SLC4A5: variants seen among roughly 807,000 people sequenced by gnomAD.
SLC4A5 encodes the protein solute carrier family 4 member 5, also known as electrogenic sodium bicarbonate cotransporter 4.
Under a neutral mutation model 120.4 loss-of-function variants are expected in SLC4A5, and 96 were observed. The ratio of observed to expected loss-of-function variants is 0.80; its 90% CI spans 0.68 to 0.94. The LOEUF (loss-of-function observed/expected upper bound fraction) is 0.94. Among genes scored for constraint, SLC4A5 ranks in the 40% least tolerant of loss-of-function variants. The pLI is 0.00. For synonymous variants in SLC4A5, 550 were observed against 571.1 expected, an observed-to-expected ratio of 0.96 and a Z score of 0.53; for missense variants, 1,259 against 1,459.5, an observed-to-expected ratio of 0.86 and a Z score of 2.24.
At chr2:74,252,215 A>G in exon 16 of SLC4A5, 1 of 1,612,634 alleles carries the variant, frequency 6.2e-7, no homozygotes, top group Non-Finnish European at 8.5e-7. Context: ...GATTTCATGC[A>G]TGGCTGGCAT....
chr2:74,264,026 G>T, intron 10 of SLC4A5, 121 bp downstream of exon 10: 6 of 1,302,642 alleles, frequency 4.6e-6, no homozygotes, highest in South Asian at 1.5e-5. Context: ...GAGGCTGAGG[G>T]ATCCCCAGAA....
rs111620581 is a variant in SLC4A5, at chr2:74,338,448, T to C, written c.-221+407A>G. 9.8e-3 allele frequency among the ~76,000 whole-genome samples: 1,491 copies of C among 152,352 alleles called. 29 individuals are homozygous for C. Among genetic ancestry groups the C allele is most frequent in the African/African-American group, 0.034 (1,398 of 41,580 alleles). ...GAGAGAGGAGGGCAATGGGCCCTCA[T>C]ACATCTACTTGCCAGTGAGATGCAG... On this transcript the variant is annotated intron_variant, in intron 3 of 30. Transcript: ENST00000394019.
At chr2:74,292,910 C>G (rs1034150709) in intron 7 of SLC4A5, among the ~76,000 whole-genome samples, 2 of 152,138 alleles carry the variant, frequency 1.3e-5, no homozygotes, top group African/African-American at 4.8e-5. Context: ...TTGTTCACAT[C>G]GCACTGCTGG....
chr2:74,282,907 C>A (rs1463099193), intron 8 of SLC4A5, among the ~76,000 whole-genome samples: 1 of 152,210 alleles, frequency 6.6e-6, no homozygotes, highest in Non-Finnish European at 1.5e-5. Flanking sequence ...GCAGGAGAGG[C>A]CCTCGTTCAG....
chr2:74,277,710 T>C (rs978814244), intron 8 of SLC4A5, among the ~76,000 whole-genome samples: 10 of 148,446 alleles, frequency 6.7e-5, no homozygotes, highest in Admixed American at 1.4e-4. Context: ...TTCTAAGTTG[T>C]ATAAACCAAC....
At chr2:74,330,567 T>C (rs116223808) in intron 4 of SLC4A5, among the ~76,000 whole-genome samples, 1 of 149,066 alleles carries the variant, frequency 6.7e-6, no homozygotes, top group Non-Finnish European at 1.5e-5. Context: ...TGGTGAGGTA[T>C]AGGTGAGGTT....
intron 5 of SLC4A5, among the ~76,000 whole-genome samples, chr2:74,319,227 A>C (rs1175377251): frequency 6.6e-6 from 1 of 152,244 alleles, no homozygotes; most frequent in South Asian, 2.1e-4. Flanking sequence ...GAGGGTAGGA[A>C]GGGGGTGAGG....
intron 10 of SLC4A5, among the ~76,000 whole-genome samples, chr2:74,262,690 C>T (rs149058166): frequency 0.083 from 12,416 of 149,736 alleles, 1,081 homozygotes; most frequent in East Asian, 0.39. Context: ...CAGAGTGAGA[C>T]TCCGTCTCAA....
intron 6 of SLC4A5, chr2:74,307,842 C>T (rs1427124346): frequency 4.3e-6 from 2 of 469,306 alleles, no homozygotes; most frequent in African/African-American, 2.0e-5. Flanking sequence ...CCCCATGCCA[C>T]CCTGGAAGCT....
rs566314929 is a variant in SLC4A5 at position 74,299,275 on chromosome 2, C to T, written c.271+5214G>A. ...CTGAGACAGGAGAATTGCTTGAACC[C>T]GGGAGGCAGAGGTTGCGGTGAGCTG... On this transcript the variant is annotated intron_variant, in intron 7 of 30. Coordinates refer to ENST00000394019, the Ensembl canonical transcript of SLC4A5. 7.8e-4 allele frequency among the ~76,000 whole-genome samples: 119 copies of T among 152,210 alleles called. No individual in the cohort carries two copies. The South Asian group carries it at 0.023, about 29-fold the overall frequency.
chr2:74,268,675 G>A (rs1357061501), intron 8 of SLC4A5, among the ~76,000 whole-genome samples: 4 of 152,200 alleles, frequency 2.6e-5, no homozygotes, highest in Non-Finnish European at 5.9e-5. Flanking sequence ...TTACCAAACT[G>A]TTTTCCAGAA....
At chr2:74,306,859 C>G in intron 6 of SLC4A5, 1 of 637,000 alleles carries the variant, frequency 1.6e-6, no homozygotes, top group Non-Finnish European at 2.9e-6. Flanking sequence ...AAGTCCTTGC[C>G]ATCTTCCAGC....
chr2:74,263,123 T>A (rs1671194565), intron 10 of SLC4A5, among the ~76,000 whole-genome samples: 1 of 152,218 alleles, frequency 6.6e-6, no homozygotes. Flanking sequence ...CACTGCAACC[T>A]CCGTCTCCTG....
chr2:74,220,042 T>C lies in SLC4A5; in HGVS notation c.*34-1250A>G, dbSNP rs193202491. Among the ~76,000 whole-genome samples the C allele has an allele frequency of 3.7e-4, 56 of 152,360 alleles. 2 individuals carry two copies. Among genetic ancestry groups the C allele is most frequent in the African/African-American group, 1.2e-3 (51 of 41,584 alleles). On this transcript the variant is annotated intron_variant, in intron 30 of 30. Transcript: ENST00000394019. ...GATGAGTGCCCTCTGTGCCTGGAGA[T>C]TGATCTTCTAGACTTGGGATAGCCT...
chr2:74,243,103 G>A (rs1175891681), intron 19 of SLC4A5, among the ~76,000 whole-genome samples: 5 of 152,294 alleles, frequency 3.3e-5, no homozygotes, highest in African/African-American at 7.2e-5. Context: ...TGCTCTCAGC[G>A]GCTCTCTCTG....
At chr2:74,320,156 T>A (rs1673060382) in intron 5 of SLC4A5, among the ~76,000 whole-genome samples, 1 of 151,654 alleles carries the variant, frequency 6.6e-6, no homozygotes, top group Non-Finnish European at 1.5e-5. Flanking sequence ...AACCAGAGGA[T>A]CAATCCAGGA....
chr2:74,220,904 G>A (rs367751671), intron 30 of SLC4A5, among the ~76,000 whole-genome samples: 46 of 143,610 alleles, frequency 3.2e-4, no homozygotes, highest in African/African-American at 1.0e-3. Context: ...GCAGTGGCGC[G>A]ATCTCGGCTT....
At chr2:74,321,581 C>A (rs552591376) in intron 5 of SLC4A5, among the ~76,000 whole-genome samples, 10 of 151,954 alleles carry the variant, frequency 6.6e-5, no homozygotes, top group Non-Finnish European at 1.2e-4. Flanking sequence ...GAAAACCACA[C>A]CTGGGTCATC....
chr2:74,240,041 T>TTATTTATATATACATATATAAATTTA (rs1558872550), intron 20 of SLC4A5, among the ~76,000 whole-genome samples: 78 of 145,376 alleles, frequency 5.4e-4, no homozygotes, highest in Middle Eastern at 3.6e-3. Context: ...ATATATAAAT[T>TTATTTATATATACATATATAAATTTA]TATATATATA....
Sources: gnomAD v4.1 joint callset for allele counts (sites outside exome capture counted in the v4.1 genomes callset) on GRCh38, gnomAD v4.1.1 for gene constraint, MANE v1.5 for transcripts, NCBI Gene and HGNC (gene_info 2026-07-23, HGNC 2026-07-21) for gene names.